Variants in FBXL17 observed in about 807,000 individuals in gnomAD.
FBXL17 encodes the protein F-box/LRR-repeat protein 17.
FBXL17 carries 22 observed loss-of-function variants against 66.2 expected under a neutral mutation model. The observed-to-expected ratio is 0.33, with a 90% CI of 0.24 to 0.47. FBXL17 has a LOEUF of 0.47. Among genes scored for constraint, FBXL17 ranks in the 20% least tolerant of loss-of-function variants. The pLI is 1.00. For missense variants in FBXL17, 878 were observed against 948.2 expected (o/e 0.93, Z 0.97); for synonymous variants, 474 against 400.5 (o/e 1.18, Z -2.19).
At chr5:108,154,885 A>G (rs1034745272) in intron 6 of FBXL17, among the ~76,000 whole-genome samples, 3 of 151,764 alleles carry the variant, frequency 2.0e-5, no homozygotes, top group Non-Finnish European at 4.4e-5. Context: ...GCAGGAAGCA[A>G]AAAATGAAGT....
intron 6 of FBXL17, among the ~76,000 whole-genome samples, chr5:108,090,584 A>G (rs1393492384): frequency 6.6e-6 from 1 of 152,258 alleles, no homozygotes; most frequent in East Asian, 1.9e-4. Flanking sequence ...TTTGTAAACA[A>G]TATGTAAGTG....
chr5:108,370,474 G>A (rs1748957278), intron 1 of FBXL17, among the ~76,000 whole-genome samples: 2 of 152,192 alleles, frequency 1.3e-5, no homozygotes, highest in Non-Finnish European at 2.9e-5. Flanking sequence ...GCAGGGCATG[G>A]TGGCTCATGC....
chr5:108,285,531 T>C (rs963296027), intron 4 of FBXL17, among the ~76,000 whole-genome samples: 29 of 151,880 alleles, frequency 1.9e-4, no homozygotes, highest in Non-Finnish European at 4.1e-4. Context: ...GGCATTAATG[T>C]CCTTGTAAAT....
chr5:108,335,528 G>A (rs1760338912), intron 4 of FBXL17, among the ~76,000 whole-genome samples: 1 of 152,062 alleles, frequency 6.6e-6, no homozygotes, highest in South Asian at 2.1e-4. Flanking sequence ...GTGATTACAA[G>A]TTGACTCCAA....
At chr5:108,101,150 C>T (rs1440385928) in intron 6 of FBXL17, among the ~76,000 whole-genome samples, 1 of 152,202 alleles carries the variant, frequency 6.6e-6, no homozygotes, top group Non-Finnish European at 1.5e-5. Context: ...TGTTTCTGGG[C>T]ATACTCAGAG....
chr5:107,890,369 A>C (rs913967556), intron 7 of FBXL17, among the ~76,000 whole-genome samples: 2 of 151,998 alleles, frequency 1.3e-5, no homozygotes, highest in South Asian at 2.1e-4. Flanking sequence ...AAAAAAAAAA[A>C]AACTGTCTGA....
intron 4 of FBXL17, among the ~76,000 whole-genome samples, chr5:108,347,495 T>A (rs1446910748): frequency 2.6e-5 from 4 of 152,208 alleles, no homozygotes; most frequent in African/African-American, 9.6e-5. Context: ...TTTGGAATAT[T>A]ATTCAGCCAT....
At chr5:107,896,352 C>T (rs993501433) in intron 7 of FBXL17, among the ~76,000 whole-genome samples, 4 of 151,960 alleles carry the variant, frequency 2.6e-5, no homozygotes, top group African/African-American at 7.3e-5. Flanking sequence ...AAAAGAAAGT[C>T]CTTGTCTTCA....
At chr5:107,999,410 T>C (rs1267281227) in intron 7 of FBXL17, among the ~76,000 whole-genome samples, 1 of 151,344 alleles carries the variant, frequency 6.6e-6, no homozygotes, top group Non-Finnish European at 1.5e-5. Flanking sequence ...AAGTGTGGGA[T>C]GCTTTTTTGA....
chr5:108,016,774 C>A (rs1054896257), intron 7 of FBXL17, among the ~76,000 whole-genome samples: 2 of 134,786 alleles, frequency 1.5e-5, no homozygotes, highest in African/African-American at 5.0e-5. Flanking sequence ...TTTTTTCTTT[C>A]TTTCTTTCTT....
At chr5:107,902,274 A>G (rs532832332) in intron 7 of FBXL17, among the ~76,000 whole-genome samples, 2 of 152,166 alleles carry the variant, frequency 1.3e-5, no homozygotes, top group African/African-American at 4.8e-5. Context: ...CACTTGTCAC[A>G]ACAGTATATA....
chr5:108,307,289 A>G (rs1758891413), intron 4 of FBXL17, among the ~76,000 whole-genome samples: 1 of 152,010 alleles, frequency 6.6e-6, no homozygotes, highest in African/African-American at 2.4e-5. Context: ...TCTTTTGAGT[A>G]TATGTAAAAT....
At chr5:108,020,737 T>G in intron 7 of FBXL17, 188 bp downstream of exon 7, 1 of 492,832 alleles carries the variant, frequency 2.0e-6, no homozygotes, top group South Asian at 2.8e-5. Flanking sequence ...TGAAGTAATA[T>G]GCATATTCAT....
At chr5:108,148,449 C>T (rs1174615041) in intron 6 of FBXL17, among the ~76,000 whole-genome samples, 2 of 152,144 alleles carry the variant, frequency 1.3e-5, no homozygotes, top group African/African-American at 4.8e-5. Flanking sequence ...TTTAGCGGAG[C>T]CCCAAACCAT....
chr5:108,352,527 T>C (rs1747717130), intron 3 of FBXL17, among the ~76,000 whole-genome samples: 2 of 152,224 alleles, frequency 1.3e-5, no homozygotes, highest in Non-Finnish European at 2.9e-5. Context: ...GTTTTGTTTT[T>C]TGAGACGGAG....
intron 1 of FBXL17, 104 bp downstream of exon 1, chr5:108,380,595 G>A: frequency 7.2e-6 from 5 of 699,078 alleles, no homozygotes; most frequent in Non-Finnish European, 1.0e-5. Context: ...GGCTGCCAGG[G>A]AACCCCCCTC....
intron 1 of FBXL17, among the ~76,000 whole-genome samples, chr5:108,373,624 T>C (rs1187960450): frequency 6.6e-6 from 1 of 152,038 alleles, no homozygotes; most frequent in African/African-American, 2.4e-5. Context: ...TTAAGACACA[T>C]AAGGCCAGGG....
chr5:107,878,622 T>G (rs980205071), intron 8 of FBXL17: 1 of 985,308 alleles, frequency 1.0e-6, no homozygotes, highest in Non-Finnish European at 1.2e-6. Context: ...ATATCTTCCT[T>G]TGAATCTTGA....
chr5:108,100,627 C>A (rs1418250717), intron 6 of FBXL17, among the ~76,000 whole-genome samples: 1 of 152,098 alleles, frequency 6.6e-6, no homozygotes, highest in African/African-American at 2.4e-5. Context: ...AGAAGAACTC[C>A]TAGGAGACTC....
Sources: allele counts gnomAD v4.1 joint callset (sites outside exome capture counted in the v4.1 genomes callset), GRCh38; gene constraint gnomAD v4.1.1; transcripts MANE v1.5; gene names NCBI Gene and HGNC (gene_info 2026-07-23, HGNC 2026-07-21).